The following ASTN1 variants were observed in gnomAD, a reference collection of about 807,000 sequenced individuals.
ASTN1 encodes the protein astrotactin-1.
Under a neutral mutation model 140.7 loss-of-function variants are expected in ASTN1, and 41 were observed. The observed-to-expected ratio is 0.29, with a 90% CI of 0.23 to 0.38. The LOEUF (loss-of-function observed/expected upper bound fraction) is 0.38, where lower values mean the gene tolerates loss of function less well. ASTN1 is among the 10% of genes least tolerant of loss of function. The pLI, the probability that ASTN1 is intolerant of heterozygous loss-of-function variation, is 1.00. For synonymous variants in ASTN1, 640 were observed against 652.2 expected (o/e 0.98, Z 0.29); for missense variants, 1,479 against 1,678.8 (o/e 0.88, Z 2.08).
chr1:176,891,404 C>A (rs1669260631), intron 17 of ASTN1, among the ~76,000 whole-genome samples: 1 of 152,162 alleles, frequency 6.6e-6, no homozygotes, highest in Admixed American at 6.5e-5. Flanking sequence ...ACTTGCTAGG[C>A]ACTGGGATTC....
chr1:176,967,638 C>T (rs1672941242), intron 8 of ASTN1, among the ~76,000 whole-genome samples: 1 of 152,156 alleles, frequency 6.6e-6, no homozygotes, highest in Non-Finnish European at 1.5e-5. Context: ...AAATGACTGG[C>T]ATTAAATACT....
chr1:177,124,328 C>T (rs1180566913), intron 1 of ASTN1, among the ~76,000 whole-genome samples: 1 of 152,184 alleles, frequency 6.6e-6, no homozygotes, highest in Middle Eastern at 3.2e-3. Context: ...GAAACTGAGG[C>T]TGATAGAGTT....
At chr1:177,011,443 T>C (rs1017677021) in intron 8 of ASTN1, among the ~76,000 whole-genome samples, 3 of 152,088 alleles carry the variant, frequency 2.0e-5, no homozygotes, top group Non-Finnish European at 4.4e-5. Flanking sequence ...CAACCTAGCA[T>C]ACCCTGGACC....
chr1:176,875,970 C>A (rs1234025797), intron 21 of ASTN1, among the ~76,000 whole-genome samples: 1 of 152,126 alleles, frequency 6.6e-6, no homozygotes, highest in Admixed American at 6.5e-5. Flanking sequence ...TGACTGAAGT[C>A]AAGTTTTTCT....
intron 1 of ASTN1, among the ~76,000 whole-genome samples, chr1:177,076,648 A>T (rs1192347224): frequency 6.6e-6 from 1 of 151,668 alleles, no homozygotes; most frequent in African/African-American, 2.4e-5. Flanking sequence ...CAGTCTCCCT[A>T]GTAGCTGGGA....
At chr1:177,148,362 G>A (rs916775041) in intron 1 of ASTN1, among the ~76,000 whole-genome samples, 1 of 150,538 alleles carries the variant, frequency 6.6e-6, no homozygotes, top group East Asian at 2.0e-4. Context: ...AGGTTGCAGT[G>A]AGCCGAGATC....
downstream of ASTN1, among the ~76,000 whole-genome samples, chr1:176,857,818 C>T (rs16850265): frequency 6.6e-6 from 1 of 152,106 alleles, no homozygotes; most frequent in East Asian, 1.9e-4. Context: ...CAGGACAAAA[C>T]GGCATGTAAG....
intron 16 of ASTN1, among the ~76,000 whole-genome samples, chr1:176,895,079 A>G (rs948035778): frequency 3.9e-5 from 6 of 152,198 alleles, no homozygotes; most frequent in African/African-American, 1.4e-4. Flanking sequence ...GCTCCACTGA[A>G]TCTCTAGAGG....
At chr1:176,879,122 T>C (rs1668683796) in intron 20 of ASTN1, among the ~76,000 whole-genome samples, 1 of 152,188 alleles carries the variant, frequency 6.6e-6, no homozygotes, top group Non-Finnish European at 1.5e-5. Flanking sequence ...GGCTGGGGCA[T>C]GGGCCTGACC....
chr1:176,984,235 A>G (rs1217350984), intron 8 of ASTN1, among the ~76,000 whole-genome samples: 1 of 152,196 alleles, frequency 6.6e-6, no homozygotes, highest in Non-Finnish European at 1.5e-5. Context: ...GAGGTTCAGT[A>G]ATTGTTCAGT....
intron 2 of ASTN1, among the ~76,000 whole-genome samples, chr1:177,046,552 C>T (rs1040451824): frequency 2.0e-5 from 3 of 152,166 alleles, no homozygotes; most frequent in Non-Finnish European, 4.4e-5. Flanking sequence ...TACAGAACAC[C>T]ATGTGGTCCC....
At chr1:176,858,840 G>A (rs999542511), downstream of ASTN1, among the ~76,000 whole-genome samples, 1 of 152,168 alleles carries the variant, frequency 6.6e-6, no homozygotes, top group Non-Finnish European at 1.5e-5. Context: ...CCTTGTTAGA[G>A]AAGCAAACTC....
chr1:176,922,906 GTAGTAA>G (rs1670797752), intron 16 of ASTN1, among the ~76,000 whole-genome samples: 1 of 152,144 alleles, frequency 6.6e-6, no homozygotes, highest in Non-Finnish European at 1.5e-5. Context: ...TAATAGTAAT[GTAGTAA>G]TAATAATATG....
intron 12 of ASTN1, among the ~76,000 whole-genome samples, chr1:176,947,029 C>T (rs1320879432): frequency 6.6e-6 from 1 of 152,164 alleles, no homozygotes; most frequent in Non-Finnish European, 1.5e-5. Context: ...ATCATTTATT[C>T]CTATCCACAG....
chr1:176,994,007 C>CTGTGTGTGTACG (rs1244094527), intron 8 of ASTN1, among the ~76,000 whole-genome samples: 1 of 121,632 alleles, frequency 8.2e-6, no homozygotes, highest in African/African-American at 3.3e-5. Flanking sequence ...GATGTGAGAA[C>CTGTGTGTGTACG]TGTGTGTGTA....
chr1:177,017,305 T>C (rs1675597715), intron 7 of ASTN1, among the ~76,000 whole-genome samples: 1 of 152,130 alleles, frequency 6.6e-6, no homozygotes, highest in Admixed American at 6.5e-5. Flanking sequence ...TTCAAACACA[T>C]CATGCTAGGT....
At position 176,863,368 on chromosome 1, in the gene ASTN1, G is replaced by A. The variant is rs1668028071; in HGVS notation, c.*916C>T. The A allele has an allele frequency of 4.1e-6, 4 of 985,898 alleles. No individual in the cohort carries two copies. Among genetic ancestry groups the A allele is most frequent in the Non-Finnish European group, 4.8e-6 (4 of 829,958 alleles). 61.1% of individuals were successfully genotyped at this position (985,898 alleles called of 1,614,324 possible). A position where few individuals can be genotyped will look rare whatever the true frequency, so the allele number is the denominator to read the frequency against. On this transcript the variant is annotated 3_prime_UTR_variant, in exon 23 of 23. Coordinates refer to ENST00000361833, the MANE Select transcript of ASTN1 (RefSeq NM_004319.3). ...GCCAAGCCTTACCTGTCCAAGGTAAGAGGTGTGGGGGTTAAAGATAATCCA... is the reference window on the plus strand; with the variant it reads ...GCCAAGCCTTACCTGTCCAAGGTAAAAGGTGTGGGGGTTAAAGATAATCCA...
intron 8 of ASTN1, among the ~76,000 whole-genome samples, chr1:176,967,985 C>G (rs1353121786): frequency 6.6e-6 from 1 of 151,978 alleles, no homozygotes; most frequent in Non-Finnish European, 1.5e-5. Flanking sequence ...GTGTAGACCC[C>G]ATCCTGATCA....
intron 2 of ASTN1, among the ~76,000 whole-genome samples, chr1:177,034,668 A>G (rs1676623054): frequency 6.6e-6 from 1 of 152,182 alleles, no homozygotes; most frequent in South Asian, 2.1e-4. Flanking sequence ...ACTCATTGAC[A>G]GCGAGTATTT....
Sources: allele counts gnomAD v4.1 joint callset (sites outside exome capture counted in the v4.1 genomes callset), GRCh38; gene constraint gnomAD v4.1.1; transcripts MANE v1.5; gene names NCBI Gene and HGNC (gene_info 2026-07-23, HGNC 2026-07-21).